Variants in MAMDC2 observed in about 807,000 individuals in gnomAD.
MAMDC2 encodes the protein MAM domain-containing protein 2.
Under a neutral mutation model 89.8 loss-of-function variants are expected in MAMDC2, and 57 were observed. That is an observed-to-expected ratio of 0.63 (90% confidence interval 0.51 to 0.79). MAMDC2 has a LOEUF of 0.79. MAMDC2 is among the 30% of genes least tolerant of loss of function. MAMDC2 has a pLI of 0.00. For synonymous variants in MAMDC2, 313 were observed against 293.4 expected (o/e 1.07, Z -0.68); for missense variants, 800 against 820.6 (o/e 0.97, Z 0.31).
chr9:70,207,039 T>C (rs1374592975), intron 11 of MAMDC2, among the ~76,000 whole-genome samples: 1 of 152,246 alleles, frequency 6.6e-6, no homozygotes, highest in Non-Finnish European at 1.5e-5. Flanking sequence ...TTGATGGACA[T>C]TTGGGTTGGT....
intron 9 of MAMDC2, among the ~76,000 whole-genome samples, chr9:70,155,787 C>T (rs1226054554): frequency 6.6e-6 from 1 of 152,206 alleles, no homozygotes; most frequent in South Asian, 2.1e-4. Context: ...TTATCAACAG[C>T]AAAGTATATC....
chr9:70,170,723 A>G, intron 11 of MAMDC2, 92 bp downstream of exon 11: 1 of 1,256,162 alleles, frequency 8.0e-7, no homozygotes, highest in Admixed American at 2.9e-5. Context: ...GTGCAAAATT[A>G]TGTCTTGTGT....
At chr9:70,212,769 A>C (rs1282476389) in intron 11 of MAMDC2, among the ~76,000 whole-genome samples, 1 of 152,058 alleles carries the variant, frequency 6.6e-6, no homozygotes, top group Non-Finnish European at 1.5e-5. Flanking sequence ...CTCCTATTTT[A>C]TGGTACTAAA....
rs531186294 is a variant in MAMDC2 at position 70,126,423 on chromosome 9, T to C, written c.900+8T>C. 1.9e-6 allele frequency: 3 copies of C among 1,609,904 alleles called. No individual in the cohort carries two copies. In the East Asian group the frequency reaches 6.7e-5, roughly 36 times the overall value. ...GCTCCTTACCCCATGGAGGTAGGTG[T>C]ACTGGTGCGCACCAGCTGTTCACTG... On this transcript the variant is annotated splice_region_variant and intron_variant, in intron 6 of 13. Transcript: ENST00000377182.
At chr9:70,059,145 C>G (rs187825719) in intron 2 of MAMDC2, among the ~76,000 whole-genome samples, 1 of 152,014 alleles carries the variant, frequency 6.6e-6, no homozygotes, top group South Asian at 2.1e-4. Flanking sequence ...TGAACTCAAA[C>G]GGGTAGCGAG....
chr9:70,113,603 G>GC (rs1425967429), intron 5 of MAMDC2, among the ~76,000 whole-genome samples: 4 of 152,146 alleles, frequency 2.6e-5, no homozygotes, highest in African/African-American at 7.2e-5. Flanking sequence ...TGTGCAACAG[G>GC]CCCCCCTAGT....
chr9:70,152,295 C>T (rs2031608228), intron 9 of MAMDC2, among the ~76,000 whole-genome samples: 1 of 132,352 alleles, frequency 7.6e-6, no homozygotes, highest in Non-Finnish European at 1.7e-5. Flanking sequence ...GAGTTTCCCT[C>T]AGACCATTCT....
At chr9:70,102,305 CCA>C (rs1434409437) in intron 2 of MAMDC2, among the ~76,000 whole-genome samples, 1 of 152,094 alleles carries the variant, frequency 6.6e-6, no homozygotes, top group Admixed American at 6.6e-5. Context: ...GTCCACTGTA[CCA>C]CACAGTCACC....
chr9:70,118,297 A>AACAC (rs6151026), intron 5 of MAMDC2, among the ~76,000 whole-genome samples: 2,200 of 140,400 alleles, frequency 0.016, 49 homozygotes, highest in Middle Eastern at 0.025. Context: ...ATCCCCACTC[A>AACAC]ACACACACAC....
At chr9:70,170,744 A>C in intron 11 of MAMDC2, 113 bp downstream of exon 11, 1 of 974,316 alleles carries the variant, frequency 1.0e-6, no homozygotes, top group Non-Finnish European at 1.5e-6. Flanking sequence ...CTATAATGAA[A>C]TGCACTTGTG....
At chr9:70,166,833 T>G (rs1381111173) in intron 9 of MAMDC2, among the ~76,000 whole-genome samples, 2 of 152,168 alleles carry the variant, frequency 1.3e-5, no homozygotes, top group Admixed American at 6.5e-5. Flanking sequence ...AAAAGGTACT[T>G]TTTTAGTATA....
intron 11 of MAMDC2, among the ~76,000 whole-genome samples, chr9:70,199,744 T>C (rs1038954194): frequency 1.6e-5 from 2 of 126,336 alleles, no homozygotes; most frequent in African/African-American, 2.9e-5. Flanking sequence ...ATTGCCATTC[T>C]AACTGGTGTG....
At chr9:70,216,526 C>T (rs1258932727) in intron 11 of MAMDC2, 1 of 152,198 alleles carries the variant, frequency 6.6e-6, no homozygotes, top group Non-Finnish European at 1.5e-5. Flanking sequence ...CTAATTAGCT[C>T]CCCAGTGCCC....
intron 2 of MAMDC2, among the ~76,000 whole-genome samples, chr9:70,065,351 T>C (rs1827240787): frequency 6.6e-6 from 1 of 152,178 alleles, no homozygotes; most frequent in Admixed American, 6.5e-5. Context: ...AATCCCTCTT[T>C]CTGTCCAGAA....
intron 11 of MAMDC2, chr9:70,172,545 C>T (rs1308177385): frequency 1.3e-5 from 2 of 152,778 alleles, no homozygotes; most frequent in Non-Finnish European, 2.9e-5. Context: ...ACTTGCACTA[C>T]AGAATACAAC....
chr9:70,225,957 T>C lies in MAMDC2; in HGVS notation c.1997-11T>C. On this transcript the variant is annotated splice_polypyrimidine_tract_variant and intron_variant, in intron 13 of 13. Coordinates refer to ENST00000377182, the MANE Select transcript of MAMDC2 (RefSeq NM_153267.5). ...AAAATACTGTTATTGTATATTTGTC[T>C]TTCCTGACAGAAATGGAAGATACAA... The C allele has an allele frequency of 1.3e-6, 2 of 1,557,444 alleles. No individual in the cohort carries two copies. The highest frequency in any genetic ancestry group is 2.7e-5 in the African/African-American group (2 of 73,150).
intron 2 of MAMDC2, among the ~76,000 whole-genome samples, chr9:70,095,855 A>G (rs1828016073): frequency 6.6e-6 from 1 of 152,148 alleles, no homozygotes; most frequent in South Asian, 2.1e-4. Context: ...ACTGGTTAGA[A>G]GACTCAACAA....
intron 2 of MAMDC2, among the ~76,000 whole-genome samples, chr9:70,059,121 T>C (rs556488996): frequency 1.3e-5 from 2 of 152,286 alleles, no homozygotes; most frequent in Non-Finnish European, 2.9e-5. Context: ...GCTTGGGTTT[T>C]GCAAAAAGGC....
intron 11 of MAMDC2, chr9:70,217,332 T>C (rs781194627): frequency 2.2e-6 from 3 of 1,394,628 alleles, no homozygotes; most frequent in Non-Finnish European, 3.1e-6. Context: ...AGAGGAATCC[T>C]TGGCAGATAA....
Sources: allele counts gnomAD v4.1 joint callset (sites outside exome capture counted in the v4.1 genomes callset), GRCh38; gene constraint gnomAD v4.1.1; transcripts MANE v1.5; gene names NCBI Gene and HGNC (gene_info 2026-07-23, HGNC 2026-07-21).